BAHCC1: variants seen among roughly 807,000 people sequenced by gnomAD.
BAHCC1 encodes BAH and coiled-coil domain-containing protein 1.
BAHCC1 carries 43 observed loss-of-function variants against 88.2 expected under a neutral mutation model. That is an observed-to-expected ratio of 0.49 (90% confidence interval 0.38 to 0.63). The LOEUF (loss-of-function observed/expected upper bound fraction) is 0.63. BAHCC1 is among the 20% of genes least tolerant of loss of function. The probability of loss-of-function intolerance (pLI) is 0.00; values close to 1 mark genes in which losing one functional copy is unlikely to be tolerated. For synonymous variants in BAHCC1, 1,510 were observed against 745.5 expected (o/e 2.03, Z -16.71); for missense variants, 3,023 against 1,654.8 (o/e 1.83, Z -14.34).
At chr17:81,418,324 GC>G (rs2064061450) in intron 2 of BAHCC1, among the ~76,000 whole-genome samples, 1 of 152,306 alleles carries the variant, frequency 6.6e-6, no homozygotes, top group African/African-American at 2.4e-5. Flanking sequence ...GGGGAGCTGG[GC>G]CTGGCCACGT....
chr17:81,446,415 T>C (rs782301544), intron 10 of BAHCC1, among the ~76,000 whole-genome samples: 8 of 150,816 alleles, frequency 5.3e-5, no homozygotes, highest in Non-Finnish European at 8.8e-5. Flanking sequence ...CAGCATACCA[T>C]GCCAGAGATG....
At chr17:81,433,098 C>T (rs1452518465) in intron 3 of BAHCC1, among the ~76,000 whole-genome samples, 3 of 151,292 alleles carry the variant, frequency 2.0e-5, no homozygotes, top group Admixed American at 6.6e-5. Context: ...AGCTGTGGGT[C>T]ACCACTTGGG....
intron 4 of BAHCC1, among the ~76,000 whole-genome samples, chr17:81,438,909 C>T (rs1391487250): frequency 6.6e-6 from 1 of 152,166 alleles, no homozygotes; most frequent in African/African-American, 2.4e-5. Context: ...GCCCGCACTT[C>T]CTGGCTTACA....
chr17:81,412,499 G>C (rs1181661559), intron 2 of BAHCC1, among the ~76,000 whole-genome samples: 3 of 152,210 alleles, frequency 2.0e-5, no homozygotes, highest in Non-Finnish European at 4.4e-5. Flanking sequence ...CCTAAGTCTG[G>C]AGGGCCTCAG....
chr17:81,458,309 A>G lies in BAHCC1; in HGVS notation c.5186A>G (p.Lys1729Arg). The G allele has an allele frequency of 2.7e-6, 2 of 750,724 alleles. No individual in the cohort carries two copies. Among genetic ancestry groups the G allele is most frequent in the South Asian group, 2.8e-5 (2 of 70,192 alleles). 46.5% of individuals were successfully genotyped at this position (750,724 alleles called of 1,614,324 possible). A position where few individuals can be genotyped will look rare whatever the true frequency, so the allele number is the denominator to read the frequency against. Residue 1729 changes from lysine (K) to arginine (R), a missense_variant, in exon 18 of 28, where the codon AAG becomes AGG. Transcript: ENST00000675386. ...LGKKKAKGKAKGSLRAEPGAT... is the reference protein window; with the variant it reads ...LGKKKAKGKARGSLRAEPGAT... The stretch of plus-strand genomic sequence containing the variant: ...AAGAAGAAAGCCAAGGGCAAGGCCA[A>G]GGGCAGCCTGCGGGCAGAGCCGGGG...
chr17:81,404,215 C>T (rs1288267350), intron 2 of BAHCC1, among the ~76,000 whole-genome samples: 3 of 152,140 alleles, frequency 2.0e-5, no homozygotes, highest in African/African-American at 7.2e-5. Context: ...AAAGCCAAAT[C>T]CAACAACAGA....
intron 2 of BAHCC1, among the ~76,000 whole-genome samples, chr17:81,421,265 G>A (rs1223798845): frequency 6.6e-6 from 1 of 152,248 alleles, no homozygotes; most frequent in Non-Finnish European, 1.5e-5. Flanking sequence ...GTCTGGCCCT[G>A]GCTGGAGCCC....
chr17:81,436,888 C>T (rs1325398065), intron 3 of BAHCC1, among the ~76,000 whole-genome samples: 1 of 151,588 alleles, frequency 6.6e-6, no homozygotes, highest in African/African-American at 2.4e-5. Context: ...AGGGCCTTCC[C>T]TGTGCTCACG....
chr17:81,440,853 TG>T (rs782465649), intron 4 of BAHCC1, among the ~76,000 whole-genome samples: 1 of 152,116 alleles, frequency 6.6e-6, no homozygotes, highest in Non-Finnish European at 1.5e-5. Context: ...CCCAGCAGCC[TG>T]AGACACCCAG....
At chr17:81,462,546 T>C (rs2143670347) in intron 26 of BAHCC1, 194 bp from the exon 27 acceptor site, 1 of 579,334 alleles carries the variant, frequency 1.7e-6, no homozygotes, top group Non-Finnish European at 3.1e-6. Context: ...CGTGGAGGCG[T>C]GGCCCCTGCT....
intron 14 of BAHCC1, among the ~76,000 whole-genome samples, 180 bp downstream of exon 14, chr17:81,453,031 C>T (rs926854338): frequency 6.6e-6 from 1 of 152,174 alleles, no homozygotes; most frequent in Non-Finnish European, 1.5e-5. Flanking sequence ...CAGAGCCCTG[C>T]TCCAGACAGG....
In BAHCC1 at chr17:81,447,597, A is replaced by G. The variant is rs1555654915; in HGVS notation, c.3725A>G (p.Glu1242Gly). 2.7e-6 allele frequency: 2 copies of G among 752,070 alleles called. No individual in the cohort carries two copies. Among genetic ancestry groups the G allele is most frequent in the Admixed American group, 3.7e-5 (2 of 54,636 alleles). 46.6% of individuals were successfully genotyped at this position (752,070 alleles called of 1,614,324 possible). A position where few individuals can be genotyped will look rare whatever the true frequency, so the allele number is the denominator to read the frequency against. The change falls in exon 11 of 28, where the codon GAG becomes GGG. Residue 1242 changes from glutamate to glycine, a missense_variant. Transcript: ENST00000675386. ...LGQQSMEDSE[E>G]DCGGAPDNSH... ...CAGCAGAGCATGGAGGACTCAGAGG[A>G]GGACTGTGGCGGAGCTCCCGACAAC... is the stretch of plus-strand genomic sequence containing the variant.
intron 2 of BAHCC1, among the ~76,000 whole-genome samples, chr17:81,425,672 TG>T (rs2064180781): frequency 5.5e-4 from 3 of 5,464 alleles, no homozygotes; most frequent in Admixed American, 1.9e-3. Flanking sequence ...TTGGTGGTGA[TG>T]GTGGGTGATG....
intron 1 of BAHCC1, among the ~76,000 whole-genome samples, chr17:81,397,392 AG>A (rs2063756615): frequency 2.4e-5 from 3 of 125,730 alleles, no homozygotes; most frequent in African/African-American, 8.6e-5. Flanking sequence ...TTCTTATTGG[AG>A]AGAAAAAAAA....
chr17:81,457,623 G>C (rs1479895270), intron 17 of BAHCC1, 31 bp downstream of exon 17: 2 of 665,402 alleles, frequency 3.0e-6, no homozygotes, highest in African/African-American at 1.8e-5. Flanking sequence ...GGGTTGCTAG[G>C]TAACCAGGAG....
In BAHCC1 at chr17:81,443,227, G is replaced by A. The variant is rs782676779; in HGVS notation, c.1878G>A (p.Pro626=). 31 of 779,306 alleles carry A rather than the reference G, an allele frequency of 4.0e-5. No individual in the cohort carries two copies. The highest frequency in any genetic ancestry group is 2.4e-4 in the East Asian group (10 of 41,260). The allele number at this position is 779,306 out of a possible 1,614,324, so 48.3% of individuals were successfully genotyped here. The change falls in exon 5 of 28, where the codon CCG becomes CCA. Residue 626 remains proline, a synonymous_variant. Transcript: ENST00000675386. ...TTCTGCCCCAGGAACTGCCTGCGCC[G>A]CCGGACGAGGTCTCAGCCATGAAGA... ...AALLPQELPA[P]PDEVSAMKNL... is the part of the protein sequence containing the mutation.
rs1194498052 is a variant in BAHCC1 at position 81,465,055 on chromosome 17, C to T, written c.*1238C>T. The T allele has an allele frequency of 6.6e-6, 1 of 152,336 alleles. No homozygotes were observed. Among genetic ancestry groups the T allele is most frequent in the Non-Finnish European group, 1.5e-5 (1 of 68,118 alleles). 9.4% of individuals were successfully genotyped at this position (152,336 alleles called of 1,614,324 possible). ...CAAAAGACACCCCTTTTCCCACCCA[C>T]CTTATTGGTGCCCCCAAACCCCTGG... On this transcript the variant is annotated 3_prime_UTR_variant, in exon 28 of 28. Transcript: ENST00000675386.
At chr17:81,453,534 G>A (rs1383108457) in intron 14 of BAHCC1, among the ~76,000 whole-genome samples, 1 of 152,220 alleles carries the variant, frequency 6.6e-6, no homozygotes, top group Non-Finnish European at 1.5e-5. Context: ...CAAATGCAGA[G>A]AAGGTTACGG....
chr17:81,412,676 C>T (rs899454961), intron 2 of BAHCC1, among the ~76,000 whole-genome samples: 4 of 152,194 alleles, frequency 2.6e-5, no homozygotes, highest in South Asian at 2.1e-4. Context: ...GCTCTTTCCC[C>T]GTCCGCGCCC....
Sources: gnomAD v4.1 joint callset for allele counts (sites outside exome capture counted in the v4.1 genomes callset) on GRCh38, gnomAD v4.1.1 for gene constraint, MANE v1.5 for transcripts, NCBI Gene and HGNC (gene_info 2026-07-23, HGNC 2026-07-21) for gene names.